GGT5: variants seen among roughly 807,000 people sequenced by gnomAD.
GGT5 encodes the protein glutathione hydrolase 5 proenzyme.
Under a neutral mutation model 58.1 loss-of-function variants are expected in GGT5, and 50 were observed. That is an observed-to-expected ratio of 0.86 (90% confidence interval 0.69 to 1.09). The LOEUF (loss-of-function observed/expected upper bound fraction) is 1.09, where lower values mean the gene tolerates loss of function less well. Ranked by LOEUF, GGT5 falls within the 50% of genes least tolerant of loss-of-function variation. The pLI is 0.00. For synonymous variants in GGT5, 370 were observed against 346.1 expected (o/e 1.07, Z -0.77); for missense variants, 800 against 789.4 (o/e 1.01, Z -0.16).
At position 24,232,803 on chromosome 22, in the gene GGT5, G is replaced by A; in HGVS notation, c.596+20C>T. 6.8e-7 allele frequency: 1 copy of A among 1,467,500 alleles called. No homozygotes were observed. The highest frequency in any genetic ancestry group is 9.1e-7 in the Non-Finnish European group (1 of 1,098,708). The allele number at this position is 1,467,500 out of a possible 1,614,324, so 90.9% of individuals were successfully genotyped here. On this transcript the variant is annotated intron_variant, in intron 4 of 11. Transcript: ENST00000327365. ...TATGGCCTTGAACCCAGGAACCCAG[G>A]GCCACCATGTGGGGCTCACCGCAGG...
intron 3 of GGT5, 65 bp downstream of exon 3, chr22:24,233,433 G>C (rs951672438): frequency 1.2e-6 from 1 of 868,398 alleles, no homozygotes; most frequent in Admixed American, 2.3e-5. Context: ...GCTCCTTTGC[G>C]GGGGTGTTCT....
intron 1 of GGT5, among the ~76,000 whole-genome samples, chr22:24,236,440 G>A (rs935257993): frequency 4.6e-5 from 7 of 152,124 alleles, no homozygotes; most frequent in African/African-American, 7.2e-5. Flanking sequence ...AGGCCCCAGC[G>A]TTGGCCTTGC....
At chr22:24,238,865 AATATATATAATATATATTATATATT>A (rs1569372007) in intron 1 of GGT5, among the ~76,000 whole-genome samples, 4 of 8,930 alleles carry the variant, frequency 4.5e-4, no homozygotes, top group East Asian at 4.4e-3. Flanking sequence ...TTATATATAT[AATATATATAATATATATTATATATT>A]TTATATATAT....
rs139224347 is a variant in GGT5, at chr22:24,230,521, G to A, written c.901+863C>T. Among the ~76,000 whole-genome samples, 503 of 152,014 alleles carry A rather than the reference G, an allele frequency of 3.3e-3. 4 individuals are homozygous for A. The highest frequency in any genetic ancestry group is 0.012 in the African/African-American group (485 of 41,466). ...TGCAATGAACCGAGATTGTGCCACT[G>A]TGCTCTACCCTAGGCGACAGAGCAA... is the stretch of plus-strand genomic sequence containing the variant. On this transcript the variant is annotated intron_variant, in intron 6 of 11. Coordinates refer to ENST00000327365, the MANE Select transcript of GGT5 (RefSeq NM_004121.5).
intron 1 of GGT5, among the ~76,000 whole-genome samples, chr22:24,237,702 C>T (rs1201513573): frequency 1.1e-4 from 17 of 152,062 alleles, no homozygotes; most frequent in East Asian, 5.8e-4. Context: ...CCACCGCACC[C>T]GGCCTCTAAC....
At chr22:24,242,490 A>C (rs1391344499) in intron 1 of GGT5, 1 of 152,228 alleles carries the variant, frequency 6.6e-6, no homozygotes, top group Non-Finnish European at 1.5e-5. Context: ...CCAGCTACTC[A>C]GGAGGCTGAG....
rs1381326121 is a variant in GGT5, at chr22:24,226,238, G to T, written c.1067C>A (p.Thr356Asn). ...CTGTTGGCGGATGAGCTGGGCCAGG[G>T]TCTCCCCCAGCAGGTCCCGGGAGGC... is the stretch of plus-strand genomic sequence containing the variant. Reference protein sequence around the residue: ...QNASRDLLGETLAQLIRQQID... With the variant: ...QNASRDLLGENLAQLIRQQID... Residue 356 changes from threonine to asparagine, a missense_variant, in exon 8 of 12, where the codon ACC becomes AAC. Coordinates refer to ENST00000327365, the MANE Select transcript of GGT5 (RefSeq NM_004121.5). 2.5e-6 allele frequency: 4 copies of T among 1,606,676 alleles called. No homozygotes were observed. Among genetic ancestry groups the T allele is most frequent in the Middle Eastern group, 1.7e-4 (1 of 5,956 alleles).
chr22:24,230,699 A>G (rs1048309343), intron 6 of GGT5, among the ~76,000 whole-genome samples: 5 of 152,164 alleles, frequency 3.3e-5, no homozygotes, highest in African/African-American at 1.2e-4. Flanking sequence ...CTCCCTGAAT[A>G]CACACATAGT....
In GGT5 at chr22:24,244,662, C is replaced by A; in HGVS notation, c.64G>T (p.Val22Phe). The change falls in exon 1 of 12, where the codon GTC (valine) becomes TTC (phenylalanine). Residue 22 changes from valine to phenylalanine, a missense_variant. Physicochemically the swap from Val to Phe is conservative, Grantham distance 50 (BLOSUM62 -1). Transcript: ENST00000327365. Reference protein sequence around the residue: ...VLLGLGLALAVIVLAVVLSRH... With the variant: ...VLLGLGLALAFIVLAVVLSRH... ...GAGAGGACCACAGCCAGCACAATGA[C>A]AGCCAGCGCCAGCCCCAGACCCAGC... 2 of 1,612,814 alleles carry A rather than the reference C, an allele frequency of 1.2e-6. No homozygotes were observed. Among genetic ancestry groups the A allele is most frequent in the Non-Finnish European group, 1.7e-6 (2 of 1,180,000 alleles).
At chr22:24,229,131 T>C (rs2047863088) in intron 6 of GGT5, among the ~76,000 whole-genome samples, 1 of 151,226 alleles carries the variant, frequency 6.6e-6, no homozygotes, top group South Asian at 2.1e-4. Flanking sequence ...GGGCCCAGCA[T>C]GGTGGCTCAC....
chr22:24,230,437 A>G (rs1473961025), intron 6 of GGT5, among the ~76,000 whole-genome samples: 1 of 151,964 alleles, frequency 6.6e-6, no homozygotes, highest in Non-Finnish European at 1.5e-5. Flanking sequence ...CCATGCCTGT[A>G]ATCCCAGCTA....
chr22:24,230,471 T>C (rs1272831567), intron 6 of GGT5, among the ~76,000 whole-genome samples: 2 of 151,556 alleles, frequency 1.3e-5, no homozygotes, highest in African/African-American at 4.8e-5. Context: ...GTCAGGAGAA[T>C]CACTTGAACC....
intron 6 of GGT5, among the ~76,000 whole-genome samples, chr22:24,228,048 C>CAAAAAAAAAAAAAAAAAAAAAAAAAAAA (rs1273239063): frequency 1.8e-4 from 4 of 22,050 alleles, no homozygotes; most frequent in Admixed American, 6.1e-4. Flanking sequence ...GACTCTGTCT[C>CAAAAAAAAAAAAAAAAAAAAAAAAAAAA]AAAAAAAAAA....
At chr22:24,244,497 C>T (rs1422947836) in intron 1 of GGT5, 56 bp downstream of exon 1, 10 of 1,470,228 alleles carry the variant, frequency 6.8e-6, no homozygotes, top group Non-Finnish European at 9.4e-6. Flanking sequence ...CACACGCCTT[C>T]TCCAGGAGGG....
chr22:24,237,131 C>T (rs984012732), intron 1 of GGT5, among the ~76,000 whole-genome samples: 1 of 151,214 alleles, frequency 6.6e-6, no homozygotes, highest in African/African-American at 2.4e-5. Context: ...AAATTCTTGG[C>T]CTGAAGCAAT....
chr22:24,222,284 G>A (rs895935906), intron 11 of GGT5, among the ~76,000 whole-genome samples: 1 of 152,094 alleles, frequency 6.6e-6, no homozygotes, highest in East Asian at 1.9e-4. Context: ...TAGATGCATC[G>A]GGTGATGCCA....
At chr22:24,243,069 C>T (rs1387308203) in intron 1 of GGT5, 1 of 152,388 alleles carries the variant, frequency 6.6e-6, no homozygotes, top group Non-Finnish European at 1.5e-5. Context: ...CAGACAGTCA[C>T]TCAGGGAGAC....
intron 11 of GGT5, among the ~76,000 whole-genome samples, chr22:24,223,393 T>A (rs781240849): frequency 6.6e-6 from 1 of 151,950 alleles, no homozygotes; most frequent in Admixed American, 6.6e-5. Context: ...AGAGTGAGAC[T>A]GTCTAAAAAA....
At chr22:24,237,358 A>G (rs1028423628) in intron 1 of GGT5, among the ~76,000 whole-genome samples, 37 of 152,276 alleles carry the variant, frequency 2.4e-4, no homozygotes, top group Non-Finnish European at 5.9e-5. Flanking sequence ...ACTCAAATGC[A>G]TAAAGGAGAT....
Sources: allele counts gnomAD v4.1 joint callset (sites outside exome capture counted in the v4.1 genomes callset), GRCh38; gene constraint gnomAD v4.1.1; transcripts MANE v1.5; gene names NCBI Gene and HGNC (gene_info 2026-07-23, HGNC 2026-07-21).